ADGRB3: variants seen among roughly 807,000 people sequenced by gnomAD.
ADGRB3 encodes the protein brain-specific angiogenesis inhibitor 3.
ADGRB3 carries 37 observed loss-of-function variants against 193.4 expected under a neutral mutation model. The ratio of observed to expected loss-of-function variants is 0.19; its 90% confidence interval spans 0.15 to 0.25. The LOEUF is 0.25. Ranked by LOEUF, ADGRB3 falls within the 10% of genes least tolerant of loss-of-function variation. The pLI, the probability that ADGRB3 is intolerant of heterozygous loss-of-function variation, is 1.00. For missense variants in ADGRB3, 1,637 were observed against 1,852.9 expected (o/e 0.88, Z 2.14); for synonymous variants, 690 against 644.2 (o/e 1.07, Z -1.08).
intron 17 of ADGRB3, among the ~76,000 whole-genome samples, chr6:69,141,554 A>T (rs1774343384): frequency 6.6e-6 from 1 of 152,108 alleles, no homozygotes; most frequent in Non-Finnish European, 1.5e-5. Context: ...CAGTTGGTGC[A>T]AAGGCTGTTT....
At chr6:69,078,638 T>A (rs538059932) in intron 17 of ADGRB3, among the ~76,000 whole-genome samples, 6 of 152,134 alleles carry the variant, frequency 3.9e-5, no homozygotes, top group Non-Finnish European at 8.8e-5. Context: ...CTAATTAATT[T>A]TAGTCTCTAA....
rs372959234 is a variant in ADGRB3, at chr6:69,297,374, C to T, written c.2815-27498C>T. 4.7e-3 allele frequency among the ~76,000 whole-genome samples: 593 copies of T among 124,966 alleles called. 1 individual carries two copies. Among genetic ancestry groups the T allele is most frequent in the Non-Finnish European group, 8.7e-3 (481 of 55,584 alleles). 82.0% of individuals were successfully genotyped at this position (124,966 alleles called of 152,430 possible). ...TCTCTCTCTCTCTCTCTCTTTCTCT[C>T]TCTCTCTCTCTCTCTCTATCTCTCT... On this transcript the variant is annotated intron_variant, in intron 20 of 31. Transcript: ENST00000370598.
intron 3 of ADGRB3, among the ~76,000 whole-genome samples, chr6:68,862,559 T>C (rs1318466710): frequency 1.3e-5 from 2 of 152,226 alleles, no homozygotes; most frequent in African/African-American, 4.8e-5. Context: ...GGACCAAGTC[T>C]CAGGGAGATT....
intron 17 of ADGRB3, among the ~76,000 whole-genome samples, chr6:69,088,007 T>C (rs954530310): frequency 6.6e-5 from 10 of 152,214 alleles, no homozygotes; most frequent in Non-Finnish European, 1.3e-4. Flanking sequence ...TTTTCTATAG[T>C]TTCAGGCATG....
At chr6:69,034,663 GAGAC>G (rs1260433263) in intron 13 of ADGRB3, among the ~76,000 whole-genome samples, 2 of 148,004 alleles carry the variant, frequency 1.4e-5, no homozygotes, top group East Asian at 1.9e-4. Context: ...GACAGAGAGA[GAGAC>G]AGAGAGGAAG....
chr6:68,739,503 T>G (rs762758474), intron 3 of ADGRB3, among the ~76,000 whole-genome samples: 2 of 152,096 alleles, frequency 1.3e-5, no homozygotes, highest in Non-Finnish European at 2.9e-5. Flanking sequence ...TTTCTTCAGA[T>G]AGCAGAATGA....
At chr6:69,172,394 A>G (rs1014442798) in intron 17 of ADGRB3, among the ~76,000 whole-genome samples, 1 of 152,024 alleles carries the variant, frequency 6.6e-6, no homozygotes, top group South Asian at 2.1e-4. Flanking sequence ...CTGTAATCCC[A>G]GCACTTTGGG....
intron 17 of ADGRB3, among the ~76,000 whole-genome samples, chr6:69,122,366 G>A (rs1452479577): frequency 1.3e-5 from 2 of 150,660 alleles, no homozygotes; most frequent in Non-Finnish European, 3.0e-5. Context: ...GGAGAACCAC[G>A]GGAGCCCGGG....
At chr6:69,268,317 G>A (rs142734740) in intron 20 of ADGRB3, among the ~76,000 whole-genome samples, 1 of 152,238 alleles carries the variant, frequency 6.6e-6, no homozygotes, top group African/African-American at 2.4e-5. Context: ...ATGACTATGT[G>A]TTATTTTCTT....
chr6:69,241,052 G>T (rs1766374134), intron 20 of ADGRB3, among the ~76,000 whole-genome samples: 1 of 151,834 alleles, frequency 6.6e-6, no homozygotes, highest in African/African-American at 2.4e-5. Flanking sequence ...AAAACTGCAT[G>T]ATCCACAGTA....
intron 20 of ADGRB3, among the ~76,000 whole-genome samples, chr6:69,300,653 G>A (rs968260525): frequency 1.3e-5 from 2 of 151,734 alleles, no homozygotes; most frequent in East Asian, 1.9e-4. Flanking sequence ...AAAACCAGCA[G>A]CATTTACATA....
At chr6:69,005,871 TGCCTTG>T (rs1156963129) in intron 11 of ADGRB3, among the ~76,000 whole-genome samples, 1 of 152,186 alleles carries the variant, frequency 6.6e-6, no homozygotes, top group African/African-American at 2.4e-5. Flanking sequence ...ATTCTTCTTA[TGCCTTG>T]GTTTCTGAAA....
chr6:69,220,284 T>C lies in ADGRB3; in HGVS notation c.2481-13006T>C, dbSNP rs143808638. ...AAAGCTTGATTTGCAAATAATTAAA[T>C]TACAAGTATTATCCAATACTTCTTC... is the stretch of plus-strand genomic sequence containing the variant. On this transcript the variant is annotated intron_variant, in intron 17 of 31. Transcript: ENST00000370598. Among the ~76,000 whole-genome samples the C allele has an allele frequency of 2.8e-3, 428 of 152,286 alleles. 2 individuals are homozygous for C. The highest frequency in any genetic ancestry group is 6.8e-3 in the Middle Eastern group (2 of 294).
chr6:69,188,054 C>G (rs1765105369), intron 17 of ADGRB3, among the ~76,000 whole-genome samples: 1 of 152,134 alleles, frequency 6.6e-6, no homozygotes, highest in Admixed American at 6.6e-5. Flanking sequence ...TTGTAAAAGA[C>G]ATCTTAAACT....
chr6:69,325,576 G>T (rs1040945690), intron 21 of ADGRB3, among the ~76,000 whole-genome samples: 2 of 152,136 alleles, frequency 1.3e-5, no homozygotes, highest in Non-Finnish European at 2.9e-5. Flanking sequence ...TTATTAAGAA[G>T]TTTCTCTCAA....
chr6:69,367,423 C>T (rs913219165), intron 29 of ADGRB3, among the ~76,000 whole-genome samples: 2 of 151,954 alleles, frequency 1.3e-5, no homozygotes, highest in Non-Finnish European at 2.9e-5. Context: ...TTCTAGATCC[C>T]TGAGGAATCG....
At chr6:69,369,651 T>A (rs986020197) in intron 29 of ADGRB3, among the ~76,000 whole-genome samples, 1 of 145,942 alleles carries the variant, frequency 6.9e-6, no homozygotes, top group African/African-American at 2.6e-5. Flanking sequence ...TGAGCTGTGA[T>A]CATGCCACTG....
Position 69,361,342 on chromosome 6 carries a change from G to A in ADGRB3, c.4069G>A (p.Asp1357Asn). The A allele has an allele frequency of 6.2e-7, 1 of 1,612,928 alleles. No individual in the cohort carries two copies. The highest frequency in any genetic ancestry group is 1.3e-5 in the African/African-American group (1 of 74,920). ...PEFNMNPPVMDQFNMNLEQHL... is the reference protein window; with the variant it reads ...PEFNMNPPVMNQFNMNLEQHL... ...ATTCAATATGAATCCCCCTGTAATG[G>A]ACCAGTTCAATATGAACTTAGAGCA... Residue 1357 changes from aspartate to asparagine, a missense_variant, in exon 29 of 32, where the codon GAC becomes AAC. Asp to Asn is a conservative substitution (Grantham distance 23). This residue lies in a region of ADGRB3 where 368 missense variants were observed against 367.4 expected (regional missense o/e 1.00). Transcript: ENST00000370598.
chr6:69,038,634 A>G (rs1044338711), intron 13 of ADGRB3, among the ~76,000 whole-genome samples: 8 of 152,230 alleles, frequency 5.3e-5, no homozygotes, highest in Admixed American at 2.6e-4. Flanking sequence ...ATCTGTTTCT[A>G]AAAGACCATA....
Sources: gnomAD v4.1 joint callset for allele counts (sites outside exome capture counted in the v4.1 genomes callset) on GRCh38, gnomAD v4.1.1 for gene constraint, gnomAD v4.1.1 regional missense constraint, MANE v1.5 for transcripts, NCBI Gene and HGNC (gene_info 2026-07-23, HGNC 2026-07-21) for gene names.